The following TMEM190 variants were observed in gnomAD, a reference collection of about 807,000 sequenced individuals.
TMEM190 encodes the protein transmembrane protein 190.
In TMEM190, 17 loss-of-function variants were observed where a neutral mutation model predicts 17.1. That is an observed-to-expected ratio of 0.99 (90% CI 0.68 to 1.49). The LOEUF (loss-of-function observed/expected upper bound fraction) is 1.49, where lower values mean the gene tolerates loss of function less well. Among genes scored for constraint, TMEM190 ranks in the 40% most tolerant of loss-of-function variants. The pLI, the probability that TMEM190 is intolerant of heterozygous loss-of-function variation, is 0.00. For missense variants in TMEM190, 246 were observed against 245.0 expected (o/e 1.00, Z -0.03); for synonymous variants, 101 against 103.8 (o/e 0.97, Z 0.16).
At position 55,376,893 on chromosome 19, in the gene TMEM190, C is replaced by T; in HGVS notation, c.40C>T (p.Leu14=). 1 of 1,583,514 alleles carries T rather than the reference C, an allele frequency of 6.3e-7. No homozygotes were observed. Among genetic ancestry groups the T allele is most frequent in the Non-Finnish European group, 8.6e-7 (1 of 1,165,098 alleles). ...GATCCCAGCGCTGGGCCTGCTCCTG[C>T]TGCTGCAGGGCTCGGCAGGTGAGGG... ...CGIPALGLLL[L]LQGSADGNGI... Residue 14 remains leucine (L), a synonymous_variant, in exon 1 of 5, where the codon CTG becomes TTG. Transcript: ENST00000291934.
In TMEM190 at chr19:55,378,065, C is replaced by T. The variant is rs374514703; in HGVS notation, c.396C>T (p.His132=). ...MSKSVSLLSK[H]RGTKKTPSTG... ...AGTCCGTCTCGCTGCTCTCCAAGCA[C>T]CGAGGGACCAAGAAGACGCCGTCCA... The change falls in exon 5 of 5, where the codon CAC becomes CAT. Residue 132 remains histidine (H), a synonymous_variant. Transcript: ENST00000291934. The T allele has an allele frequency of 7.4e-6, 12 of 1,612,056 alleles. No individual in the cohort carries two copies. In the African/African-American group the frequency reaches 1.6e-4, roughly 22 times the overall value.
chr19:55,377,545 C>G lies in TMEM190; in HGVS notation c.95-48C>G, dbSNP rs756043576. 3.2e-6 allele frequency: 5 copies of G among 1,567,318 alleles called. No individual in the cohort carries two copies. The East Asian group carries it at 1.1e-4, about 35-fold the overall frequency. ...CTTGGAATCTCGTGTATGAGGCCTT[C>G]GGAGCGGAGCGCTGTGATGAAGCAA... On this transcript the variant is annotated intron_variant, in intron 2 of 4. Transcript: ENST00000291934.
At position 55,378,116 on chromosome 19, in the gene TMEM190, CAA is replaced by C. The variant is rs1569036130; in HGVS notation, c.449_450del (p.Lys150ArgfsTer18). The C allele has an allele frequency of 1.2e-6, 2 of 1,604,686 alleles. No individual in the cohort carries two copies. Among genetic ancestry groups the C allele is most frequent in the Admixed American group, 1.7e-5 (1 of 59,482 alleles). On this transcript the variant is annotated frameshift_variant, in exon 5 of 5. Transcript: ENST00000291934. LOFTEE classifies it low-confidence loss of function (END_TRUNC). ...STGSVPVALS[K>X]ESRDVEGGTE... ...CGGGCAGCGTGCCAGTCGCCCTGTCCAAAGAGTCCAGGGATGTGGAGGGAGGC... is the reference window on the plus strand; with the variant it reads ...CGGGCAGCGTGCCAGTCGCCCTGTCCAGAGTCCAGGGATGTGGAGGGAGGC...
At position 55,378,129 on chromosome 19, in the gene TMEM190, G is replaced by T; in HGVS notation, c.460G>T (p.Asp154Tyr). Reference sequence around the variant, plus strand: ...AGTCGCCCTGTCCAAAGAGTCCAGGGATGTGGAGGGAGGCACCGAGGGGGA... The same window carrying T: ...AGTCGCCCTGTCCAAAGAGTCCAGGTATGTGGAGGGAGGCACCGAGGGGGA... ...VPVALSKESR[D>Y]VEGGTEGEGT... is the part of the protein sequence containing the mutation. Residue 154 changes from aspartate to tyrosine, a missense_variant, in exon 5 of 5, where the codon GAT becomes TAT. Coordinates refer to ENST00000291934, the MANE Select transcript of TMEM190 (RefSeq NM_139172.3). The T allele has an allele frequency of 1.9e-6, 3 of 1,591,464 alleles. No individual in the cohort carries two copies. Among genetic ancestry groups the T allele is most frequent in the Non-Finnish European group, 2.6e-6 (3 of 1,165,690 alleles).
rs773649564 is a variant in TMEM190 at position 55,378,185 on chromosome 19, C to G, written c.516C>G (p.Gly172=). ...EGTEEGEETE[G]EEEED ...CGGAGGAGGGTGAGGAGACAGAGGG[C>G]GAGGAAGAGGAGGATTAGGGGAGTC... The change falls in exon 5 of 5, where the codon GGC becomes GGG. Residue 172 remains glycine, a synonymous_variant. Coordinates refer to ENST00000291934, the MANE Select transcript of TMEM190 (RefSeq NM_139172.3). 3 of 1,550,734 alleles carry G rather than the reference C, an allele frequency of 1.9e-6. No homozygotes were observed. Among genetic ancestry groups the G allele is most frequent in the South Asian group, 1.2e-5 (1 of 81,658 alleles).
chr19:55,376,917 G>A lies in TMEM190; in HGVS notation c.58+6G>A, dbSNP rs2123255498. 1.9e-6 allele frequency: 3 copies of A among 1,571,960 alleles called. No homozygotes were observed. The highest frequency in any genetic ancestry group is 2.6e-6 in the Non-Finnish European group (3 of 1,158,632). On this transcript the variant is annotated splice_donor_region_variant and intron_variant, in intron 1 of 4. Coordinates refer to ENST00000291934, the MANE Select transcript of TMEM190 (RefSeq NM_139172.3). ...GCTGCTGCAGGGCTCGGCAGGTGAG[G>A]GGCTGGTGAGGCGGGGGAGCTGAGG...
In TMEM190 at chr19:55,377,948, G is replaced by A. The variant is rs375967620; in HGVS notation, c.306-27G>A. Reference sequence around the variant, plus strand: ...CCAGGGGGAGGGTCCGGCGGAGGGCGGGGGCTGAGCCGTCCGCTCCCTGCA... The same window carrying A: ...CCAGGGGGAGGGTCCGGCGGAGGGCAGGGGCTGAGCCGTCCGCTCCCTGCA... On this transcript the variant is annotated intron_variant, in intron 4 of 4. Transcript: ENST00000291934. The A allele has an allele frequency of 6.8e-6, 11 of 1,606,894 alleles. No individual in the cohort carries two copies. The African/African-American group carries it at 8.0e-5, about 12-fold the overall frequency.
In TMEM190 at chr19:55,376,866, G is replaced by A; in HGVS notation, c.13G>A (p.Gly5Arg). MLGC[G>R]IPALGLLLLL... ...CTGGGGAGGTGACATGTTGGGCTGTGGGATCCCAGCGCTGGGCCTGCTCCT... is the reference window on the plus strand; with the variant it reads ...CTGGGGAGGTGACATGTTGGGCTGTAGGATCCCAGCGCTGGGCCTGCTCCT... The change falls in exon 1 of 5, where the codon GGG (glycine) becomes AGG (arginine). Residue 5 changes from glycine to arginine, a missense_variant. Physicochemically the swap from Gly to Arg is moderately radical, Grantham distance 125 (BLOSUM62 -2). Coordinates refer to ENST00000291934, the MANE Select transcript of TMEM190 (RefSeq NM_139172.3). 1 of 1,577,518 alleles carries A rather than the reference G, an allele frequency of 6.3e-7. No individual in the cohort carries two copies.
In TMEM190 at chr19:55,378,230, C is replaced by A. The variant is rs2089868526; in HGVS notation, c.*27C>A. The A allele has an allele frequency of 6.6e-7, 1 of 1,505,340 alleles. No homozygotes were observed. The highest frequency in any genetic ancestry group is 8.9e-7 in the Non-Finnish European group (1 of 1,128,380). 93.2% of individuals were successfully genotyped at this position (1,505,340 alleles called of 1,614,324 possible). A position where few individuals can be genotyped will look rare whatever the true frequency, so the allele number is the denominator to read the frequency against. On this transcript the variant is annotated 3_prime_UTR_variant, in exon 5 of 5. Transcript: ENST00000291934. Reference sequence around the variant, plus strand: ...GGAGTCCCCGGGGGACTGCTCAATACAGATACGGTGGACGGACGTGTGTTC... The same window carrying A: ...GGAGTCCCCGGGGGACTGCTCAATAAAGATACGGTGGACGGACGTGTGTTC...
rs149788158 is a variant in TMEM190 at position 55,377,101 on chromosome 19, A to G, written c.94+75A>G. The stretch of plus-strand genomic sequence containing the variant: ...AGACCCCTGAATCTGAGGGAGGAGG[A>G]GCTGGGGCCTGGACTCCTGGATCTG... On this transcript the variant is annotated intron_variant, in intron 2 of 4. Transcript: ENST00000291934. 433 of 1,452,670 alleles carry G rather than the reference A, an allele frequency of 3.0e-4. 3 individuals carry two copies. In the East Asian group the frequency reaches 9.2e-3, roughly 31 times the overall value. 90.0% of individuals were successfully genotyped at this position (1,452,670 alleles called of 1,614,324 possible).
In TMEM190 at chr19:55,377,618, G is replaced by A. The variant is rs1450664922; in HGVS notation, c.120G>A (p.Arg40=). ...GCTGTGAGGGTGACATATGGGACCG[G>A]GAGAGCTGTGGGGGCCAGGCGGCCA... The part of the protein sequence containing the change: ...PWSCEGDIWD[R]ESCGGQAAID... Residue 40 remains arginine (R), a synonymous_variant, in exon 3 of 5, where the codon CGG becomes CGA. Coordinates refer to ENST00000291934, the MANE Select transcript of TMEM190 (RefSeq NM_139172.3). 6.2e-7 allele frequency: 1 copy of A among 1,612,882 alleles called. No individual in the cohort carries two copies. The highest frequency in any genetic ancestry group is 2.2e-5 in the East Asian group (1 of 44,856).
At position 55,378,175 on chromosome 19, in the gene TMEM190, A is replaced by G; in HGVS notation, c.506A>G (p.Glu169Gly). The G allele has an allele frequency of 6.4e-7, 1 of 1,559,238 alleles. No homozygotes were observed. Among genetic ancestry groups the G allele is most frequent in the Non-Finnish European group, 8.7e-7 (1 of 1,149,740 alleles). Residue 169 changes from glutamate to glycine, a missense_variant, in exon 5 of 5, where the codon GAG (glutamate) becomes GGG (glycine). By Grantham distance (98) the Glu-to-Gly change is moderately conservative. Transcript: ENST00000291934. Reference sequence around the variant, plus strand: ...GGGGAAGGGACGGAGGAGGGTGAGGAGACAGAGGGCGAGGAAGAGGAGGAT... The same window carrying G: ...GGGGAAGGGACGGAGGAGGGTGAGGGGACAGAGGGCGAGGAAGAGGAGGAT... ...TEGEGTEEGE[E>G]TEGEEEED
In TMEM190 at chr19:55,377,962, C is replaced by A; in HGVS notation, c.306-13C>A. On this transcript the variant is annotated splice_polypyrimidine_tract_variant and intron_variant, in intron 4 of 4. Transcript: ENST00000291934. ...CGGCGGAGGGCGGGGGCTGAGCCGT[C>A]CGCTCCCTGCAGGTGGGCCAAGCGC... 6.2e-7 allele frequency: 1 copy of A among 1,609,242 alleles called. No individual in the cohort carries two copies. The highest frequency in any genetic ancestry group is 2.2e-5 in the East Asian group (1 of 44,804).
intron 2 of TMEM190, 111 bp downstream of exon 2, chr19:55,377,137 G>GT (rs1569035486): frequency 7.7e-7 from 1 of 1,297,464 alleles, no homozygotes; most frequent in African/African-American, 1.5e-5. Flanking sequence ...AGGGAGGACG[G>GT]GGGGGTCTGG....
intron 2 of TMEM190, 122 bp from the exon 3 acceptor site, chr19:55,377,470 CT>C (rs2089861243): frequency 6.7e-7 from 1 of 1,485,320 alleles, no homozygotes; most frequent in Admixed American, 2.2e-5. Flanking sequence ...GTCTGGACCC[CT>C]GGGGCCCTGC....
chr19:55,376,952 C>G, intron 1 of TMEM190, 39 bp from the exon 2 acceptor site: 10 of 1,553,780 alleles, frequency 6.4e-6, no homozygotes, highest in Non-Finnish European at 7.8e-6. Flanking sequence ...GAGGGACGCC[C>G]GGCTCCACAC....
In TMEM190 at chr19:55,378,066, C is replaced by A; in HGVS notation, c.397C>A (p.Arg133=). ...GTCCGTCTCGCTGCTCTCCAAGCAC[C>A]GAGGGACCAAGAAGACGCCGTCCAC... The part of the protein sequence containing the change: ...SKSVSLLSKH[R]GTKKTPSTGS... Residue 133 remains arginine (R), a synonymous_variant, in exon 5 of 5, where the codon CGA becomes AGA. Coordinates refer to ENST00000291934, the MANE Select transcript of TMEM190 (RefSeq NM_139172.3). The A allele has an allele frequency of 6.2e-7, 1 of 1,612,098 alleles. No homozygotes were observed. Among genetic ancestry groups the A allele is most frequent in the Non-Finnish European group, 8.5e-7 (1 of 1,179,332 alleles).
At position 55,377,810 on chromosome 19, in the gene TMEM190, C is replaced by A. The variant is rs146395464; in HGVS notation, c.229C>A (p.Arg77=). ...CYHQRPDENV[R]RKHMWALVWT... The stretch of plus-strand genomic sequence containing the variant: ...CTGCCTCCCTTGTCCAGAAAACGTG[C>A]GGAGGAAGCACATGTGGGCGCTGGT... Residue 77 remains arginine (R), a synonymous_variant, in exon 4 of 5, where the codon CGG becomes AGG. Coordinates refer to ENST00000291934, the MANE Select transcript of TMEM190 (RefSeq NM_139172.3). 5.0e-6 allele frequency: 8 copies of A among 1,612,164 alleles called. No individual in the cohort carries two copies. In the East Asian group the frequency reaches 1.8e-4, roughly 36 times the overall value.
In TMEM190 at chr19:55,378,213, C is replaced by CG. The variant is rs752568068; in HGVS notation, c.*15dup. The CG allele has an allele frequency of 6.6e-7, 1 of 1,504,738 alleles. No individual in the cohort carries two copies. Among genetic ancestry groups the CG allele is most frequent in the Non-Finnish European group, 8.9e-7 (1 of 1,122,812 alleles). 93.2% of individuals were successfully genotyped at this position (1,504,738 alleles called of 1,614,324 possible). Reference sequence around the variant, plus strand: ...GGAAGAGGAGGATTAGGGGAGTCCCCGGGGGACTGCTCAATACAGATACGG... The same window carrying CG: ...GGAAGAGGAGGATTAGGGGAGTCCCCGGGGGGACTGCTCAATACAGATACGG... On this transcript the variant is annotated 3_prime_UTR_variant, in exon 5 of 5. Transcript: ENST00000291934.
Sources: allele counts gnomAD v4.1 joint callset, GRCh38; gene constraint gnomAD v4.1.1; transcripts MANE v1.5; gene names NCBI Gene and HGNC (gene_info 2026-07-23, HGNC 2026-07-21).